Variants in MYOM2 observed in about 807,000 individuals in gnomAD.
MYOM2 encodes myomesin 2.
A neutral mutation model predicts 187.6 loss-of-function variants in MYOM2; 254 were observed. That is an observed-to-expected ratio of 1.35 (90% CI 1.22 to 1.50). The LOEUF (loss-of-function observed/expected upper bound fraction) is 1.50. MYOM2 is among the 40% of genes most tolerant of loss of function. MYOM2 has a pLI of 0.00. For synonymous variants in MYOM2, 981 were observed against 753.8 expected (o/e 1.30, Z -4.94); for missense variants, 2,796 against 1,924.0 (o/e 1.45, Z -8.48).
At chr8:2,063,401 G>C (rs1410423107) in intron 6 of MYOM2, among the ~76,000 whole-genome samples, 2 of 152,030 alleles carry the variant, frequency 1.3e-5, no homozygotes, top group African/African-American at 4.8e-5. Flanking sequence ...GCTCCCCCTT[G>C]GTACTATTTT....
chr8:2,084,630 C>A (rs979036808), intron 13 of MYOM2, among the ~76,000 whole-genome samples: 5 of 152,174 alleles, frequency 3.3e-5, no homozygotes, highest in African/African-American at 1.2e-4. Context: ...AGAAGAGAGG[C>A]ATATGGAGCA....
chr8:2,076,365 A>G (rs1819421731), intron 11 of MYOM2, 83 bp downstream of exon 11: 12 of 1,506,734 alleles, frequency 8.0e-6, no homozygotes, highest in East Asian at 2.3e-5. Context: ...ATTTTTCTCA[A>G]TGCAGGTTGA....
intron 25 of MYOM2, among the ~76,000 whole-genome samples, chr8:2,113,001 G>T (rs937023824): frequency 3.9e-5 from 6 of 152,180 alleles, no homozygotes; most frequent in Non-Finnish European, 8.8e-5. Flanking sequence ...TGGGTCCTGG[G>T]TAAGATCATT....
chr8:2,071,690 G>C (rs773115181), intron 8 of MYOM2, among the ~76,000 whole-genome samples: 3 of 152,160 alleles, frequency 2.0e-5, no homozygotes, highest in African/African-American at 4.8e-5. Flanking sequence ...GCTTGTCTCC[G>C]CTCCGGCTGC....
At position 2,086,444 on chromosome 8, in the gene MYOM2, T is replaced by C. The variant is rs949507992; in HGVS notation, c.1644+1054T>C. ...CTGTTGTGATCTCTGCGTGGCCCCC[T>C]ACTGTCGTGATCTCCACGTGGCCAC... On this transcript the variant is annotated intron_variant, in intron 14 of 36. Coordinates refer to ENST00000262113, the MANE Select transcript of MYOM2 (RefSeq NM_003970.4). 2.1e-3 allele frequency among the ~76,000 whole-genome samples: 184 copies of C among 88,174 alleles called. 9 individuals are homozygous for C. The highest frequency in any genetic ancestry group is 0.011 in the Middle Eastern group (2 of 174). 57.8% of individuals were successfully genotyped at this position (88,174 alleles called of 152,430 possible). A position where few individuals can be genotyped will look rare whatever the true frequency, so the allele number is the denominator to read the frequency against.
At chr8:2,074,688 T>C (rs1819354773) in intron 10 of MYOM2, among the ~76,000 whole-genome samples, 3 of 152,152 alleles carry the variant, frequency 2.0e-5, no homozygotes, top group African/African-American at 7.2e-5. Context: ...CTCTTGATCA[T>C]AAGTGATTGG....
intron 6 of MYOM2, 27 bp from the exon 7 acceptor site, chr8:2,069,251 A>T (rs749196213): frequency 5.0e-6 from 8 of 1,598,588 alleles, no homozygotes; most frequent in Non-Finnish European, 6.8e-6. Context: ...AGTCCCGCAG[A>T]CTTTCTCTTG....
chr8:2,120,680 T>TATATAATATATATATATATA, intron 28 of MYOM2, among the ~76,000 whole-genome samples: 8 of 48,292 alleles, frequency 1.7e-4, no homozygotes, highest in Non-Finnish European at 2.0e-4. Flanking sequence ...ATATATTATA[T>TATATAATATATATATATATA]TATATATAAA....
At chr8:2,089,951 C>T (rs932976568) in intron 14 of MYOM2, 57 bp from the exon 15 acceptor site, 13 of 1,543,442 alleles carry the variant, frequency 8.4e-6, no homozygotes, top group African/African-American at 4.1e-5. Context: ...CTCCTCCACA[C>T]GCCTCTGGGG....
At chr8:2,116,458 G>A (rs1797248446) in intron 27 of MYOM2, among the ~76,000 whole-genome samples, 183 bp downstream of exon 27, 1 of 152,188 alleles carries the variant, frequency 6.6e-6, no homozygotes, top group African/African-American at 2.4e-5. Flanking sequence ...GGAGTGAAGA[G>A]GAAAGCGTGC....
At position 2,140,838 on chromosome 8, in the gene MYOM2, T is replaced by C. The variant is rs1379951371; in HGVS notation, c.3916T>C (p.Phe1306Leu). The part of the protein sequence containing the change: ...KDKGKYTFEI[F>L]DGKDNHQRSL... ...TAAAGGAAAATACACTTTTGAGATTTTCGATGGCAAAGACAACCATCAACG... is the reference window on the plus strand; with the variant it reads ...TAAAGGAAAATACACTTTTGAGATTCTCGATGGCAAAGACAACCATCAACG... The change falls in exon 33 of 37, where the codon TTC becomes CTC. Residue 1306 changes from phenylalanine (F) to leucine (L), a missense_variant. By Grantham distance (22) the Phe-to-Leu change is conservative. Coordinates refer to ENST00000262113, the MANE Select transcript of MYOM2 (RefSeq NM_003970.4). 6.2e-7 allele frequency: 1 copy of C among 1,613,980 alleles called. No homozygotes were observed. The highest frequency in any genetic ancestry group is 1.3e-5 in the African/African-American group (1 of 74,920).
intron 28 of MYOM2, among the ~76,000 whole-genome samples, chr8:2,121,291 G>C (rs1797446050): frequency 6.6e-6 from 1 of 152,110 alleles, no homozygotes; most frequent in East Asian, 1.9e-4. Flanking sequence ...TTTTGTTGTT[G>C]TTGGTATTGT....
chr8:2,113,210 C>T (rs971046012), intron 25 of MYOM2, among the ~76,000 whole-genome samples: 4 of 152,210 alleles, frequency 2.6e-5, no homozygotes, highest in Non-Finnish European at 4.4e-5. Flanking sequence ...ACATTGGATT[C>T]CCTCGACGCC....
Position 2,085,572 on chromosome 8 carries a change from ACTGTTGTGATCTCTGCGTGGCC to A in MYOM2, c.1644+184_1644+205del, listed in dbSNP as rs1819828821. 1.3e-4 allele frequency among the ~76,000 whole-genome samples: 2 copies of A among 15,924 alleles called. 1 individual carries two copies. The highest frequency in any genetic ancestry group is 1.9e-4 in the Non-Finnish European group (2 of 10,756). The allele number at this position is 15,924 out of a possible 152,430, so 10.4% of individuals were successfully genotyped here. A position where few individuals can be genotyped will look rare whatever the true frequency, so the allele number is the denominator to read the frequency against. ...ACTGTCATGATCTCTGCGTGGCCCC[ACTGTTGTGATCTCTGCGTGGCC>A]CCACTGTCGTGATCTCTGCGTGGCC... is the stretch of plus-strand genomic sequence containing the variant. On this transcript the variant is annotated intron_variant, in intron 14 of 36. Coordinates refer to ENST00000262113, the MANE Select transcript of MYOM2 (RefSeq NM_003970.4).
chr8:2,096,284 C>G lies in MYOM2; in HGVS notation c.2163C>G (p.Asn721Lys), dbSNP rs1796481091. The change falls in exon 18 of 37, where the codon AAC (asparagine) becomes AAG (lysine). Residue 721 changes from asparagine (N) to lysine (K), a missense_variant. Coordinates refer to ENST00000262113, the MANE Select transcript of MYOM2 (RefSeq NM_003970.4). ...PSHPYGITLL[N>K]CDGHSMTLGW... is the part of the protein sequence containing the mutation. ...ATCCTTATGGGATTACGCTCCTCAACTGTGACGGCCACTCCATGACCCTCG... is the reference window on the plus strand; with the variant it reads ...ATCCTTATGGGATTACGCTCCTCAAGTGTGACGGCCACTCCATGACCCTCG... 4 of 1,614,082 alleles carry G rather than the reference C, an allele frequency of 2.5e-6. No individual in the cohort carries two copies. Among genetic ancestry groups the G allele is most frequent in the Non-Finnish European group, 3.4e-6 (4 of 1,180,052 alleles).
chr8:2,144,869 T>G lies in MYOM2; in HGVS notation c.4286T>G (p.Ile1429Ser). ...AAGAATAAGTATGGCGGGGAGAAGA[T>G]CGACGTGACAGTGAGCGTGTACAAA... Reference protein sequence around the residue: ...NIKNKYGGEKIDVTVSVYKHG... With the variant: ...NIKNKYGGEKSDVTVSVYKHG... Residue 1429 changes from isoleucine (I) to serine (S), a missense_variant, in exon 37 of 37, where the codon ATC becomes AGC. By Grantham distance (142) the Ile-to-Ser change is moderately radical. Coordinates refer to ENST00000262113, the MANE Select transcript of MYOM2 (RefSeq NM_003970.4). 6.2e-7 allele frequency: 1 copy of G among 1,613,720 alleles called. No homozygotes were observed. The highest frequency in any genetic ancestry group is 8.5e-7 in the Non-Finnish European group (1 of 1,179,958).
At chr8:2,079,520 C>T (rs1819548168) in intron 12 of MYOM2, 40 bp from the exon 13 acceptor site, 4 of 1,608,624 alleles carry the variant, frequency 2.5e-6, no homozygotes, top group Non-Finnish European at 3.4e-6. Context: ...TTGGGGAAAA[C>T]TTCGCATGTC....
At position 2,085,321 on chromosome 8, in the gene MYOM2, C is replaced by G. The variant is rs377736889; in HGVS notation, c.1575C>G (p.Asn525Lys). 1.2e-6 allele frequency: 2 copies of G among 1,614,196 alleles called. No homozygotes were observed. The highest frequency in any genetic ancestry group is 1.1e-5 in the South Asian group (1 of 91,082). Reference protein sequence around the residue: ...TGVHASEISRNYVVLSWEPPT... With the variant: ...TGVHASEISRKYVVLSWEPPT... ...TGCACGCTTCCGAGATCAGCAGAAA[C>G]TATGTCGTCCTCAGCTGGGAGCCAC... The change falls in exon 14 of 37, where the codon AAC becomes AAG. Residue 525 changes from asparagine to lysine, a missense_variant. By Grantham distance (94) the Asn-to-Lys change is moderately conservative (BLOSUM62 0). Transcript: ENST00000262113.
In MYOM2 at chr8:2,114,766, A is replaced by G. The variant is rs193034566; in HGVS notation, c.3181-1194A>G. ...ATTACAGGTGTGAGCCACTGCACCC[A>G]GCCTAACAAAATTTCTTTTTTCTTT... On this transcript the variant is annotated intron_variant, in intron 25 of 36. Coordinates refer to ENST00000262113, the MANE Select transcript of MYOM2 (RefSeq NM_003970.4). 2.0e-3 allele frequency among the ~76,000 whole-genome samples: 305 copies of G among 152,254 alleles called. 1 individual carries two copies. The Middle Eastern group carries it at 0.031, about 15-fold the overall frequency.
Sources: allele counts gnomAD v4.1 joint callset (sites outside exome capture counted in the v4.1 genomes callset), GRCh38; gene constraint gnomAD v4.1.1; transcripts MANE v1.5; gene names NCBI Gene and HGNC (gene_info 2026-07-23, HGNC 2026-07-21).